ARMH3: variants seen among roughly 807,000 people sequenced by gnomAD.
ARMH3 encodes armadillo-like helical domain-containing protein 3.
A neutral mutation model predicts 99.1 loss-of-function variants in ARMH3; 60 were observed. That is an observed-to-expected ratio of 0.61 (90% confidence interval 0.49 to 0.75). ARMH3 has a LOEUF of 0.75. ARMH3 is among the 30% of genes least tolerant of loss of function. ARMH3 has a pLI of 0.00. For synonymous variants in ARMH3, 285 were observed against 292.8 expected (o/e 0.97, Z 0.27); for missense variants, 679 against 843.1 (o/e 0.81, Z 2.41).
chr10:102,036,842 C>T (rs1486065064), intron 2 of ARMH3, among the ~76,000 whole-genome samples: 2 of 149,674 alleles, frequency 1.3e-5, no homozygotes, highest in South Asian at 2.1e-4. Flanking sequence ...TCCCCCTCTC[C>T]GAGAAACACC....
chr10:101,944,063 C>CA (rs1221438055), intron 22 of ARMH3, among the ~76,000 whole-genome samples: 1,140 of 66,540 alleles, frequency 0.017, 17 homozygotes, highest in African/African-American at 0.055. Context: ...GACTCCATCT[C>CA]AAAAAAAAAA....
intron 2 of ARMH3, among the ~76,000 whole-genome samples, chr10:102,037,307 A>C (rs1474321976): frequency 1.3e-5 from 2 of 150,526 alleles, no homozygotes; most frequent in Non-Finnish European, 3.0e-5. Flanking sequence ...TTGGACTCAC[A>C]TAAATAGCTG....
chr10:101,957,826 G>A (rs1845110111), intron 20 of ARMH3, 94 bp from the exon 21 acceptor site: 15 of 1,459,648 alleles, frequency 1.0e-5, no homozygotes, highest in Admixed American at 2.7e-5. Context: ...AAATCCAGAA[G>A]GTTAGAGTGA....
chr10:101,889,898 T>C (rs2067646320), intron 23 of ARMH3, among the ~76,000 whole-genome samples: 1 of 152,158 alleles, frequency 6.6e-6, no homozygotes, highest in African/African-American at 2.4e-5. Flanking sequence ...CAACAACATA[T>C]AGGCTAAATA....
chr10:102,038,889 G>A (rs1006538960), intron 2 of ARMH3, among the ~76,000 whole-genome samples: 5 of 151,832 alleles, frequency 3.3e-5, no homozygotes, highest in Admixed American at 6.6e-5. Flanking sequence ...ACATGCACAC[G>A]CCACCACACC....
At position 101,963,376 on chromosome 10, in the gene ARMH3, T is replaced by G. The variant is rs185358950; in HGVS notation, c.1496-5644A>C. ...TCCATCTCCTGACCTCGTGATCCGGTCGCCTTGGACTCGGCCTCCCAAAGT... is the reference window on the plus strand; with the variant it reads ...TCCATCTCCTGACCTCGTGATCCGGGCGCCTTGGACTCGGCCTCCCAAAGT... On this transcript the variant is annotated intron_variant, in intron 20 of 25. Coordinates refer to ENST00000370033, the MANE Select transcript of ARMH3 (RefSeq NM_024541.3). 1.6e-4 allele frequency among the ~76,000 whole-genome samples: 25 copies of G among 152,040 alleles called. No homozygotes were observed. In the South Asian group the frequency reaches 4.8e-3, roughly 29 times the overall value.
chr10:102,009,887 T>C (rs941810245), intron 12 of ARMH3, 90 bp downstream of exon 12: 2 of 1,221,640 alleles, frequency 1.6e-6, no homozygotes, highest in Non-Finnish European at 2.3e-6. Flanking sequence ...CTGTAAAAGA[T>C]TAGCAAGAGG....
intron 2 of ARMH3, among the ~76,000 whole-genome samples, chr10:102,035,262 G>C (rs1162481836): frequency 6.6e-6 from 1 of 152,144 alleles, no homozygotes; most frequent in Non-Finnish European, 1.5e-5. Flanking sequence ...CTACTCAGGA[G>C]GCTGAGGCAG....
At chr10:101,953,542 CTTTTT>C (rs35546669) in intron 22 of ARMH3, among the ~76,000 whole-genome samples, 2 of 117,914 alleles carry the variant, frequency 1.7e-5, no homozygotes, top group African/African-American at 3.2e-5. Context: ...CGTGCCCAGC[CTTTTT>C]TTTTTTTTTT....
In ARMH3 at chr10:101,847,469, C is replaced by G. The variant is rs1361186415; in HGVS notation, c.*59G>C. On this transcript the variant is annotated 3_prime_UTR_variant, in exon 26 of 26. Transcript: ENST00000370033. ...GCAGCCCCCTCTCCCCTCGCTCCCCCTCCAGCCCATGATCCTCATGGGTAA... is the reference window on the plus strand; with the variant it reads ...GCAGCCCCCTCTCCCCTCGCTCCCCGTCCAGCCCATGATCCTCATGGGTAA... The G allele has an allele frequency of 1.1e-5, 17 of 1,557,782 alleles. No homozygotes were observed. The highest frequency in any genetic ancestry group is 1.4e-5 in the Non-Finnish European group (16 of 1,129,606).
chr10:102,002,180 T>A, intron 14 of ARMH3, 108 bp from the exon 15 acceptor site: 1 of 1,511,144 alleles, frequency 6.6e-7, no homozygotes, highest in Non-Finnish European at 8.9e-7. Context: ...AATAAGCTTT[T>A]TCCACAACAG....
intron 10 of ARMH3, 39 bp downstream of exon 10, chr10:102,012,793 GA>G: frequency 6.4e-7 from 1 of 1,570,938 alleles, no homozygotes. Context: ...CAATTCAAAT[GA>G]AAATCAGACC....
At chr10:101,996,357 C>T (rs1420243639) in intron 15 of ARMH3, among the ~76,000 whole-genome samples, 1 of 152,112 alleles carries the variant, frequency 6.6e-6, no homozygotes, top group African/African-American at 2.4e-5. Flanking sequence ...GCTTCTTTCT[C>T]AAAAATGGGA....
intron 4 of ARMH3, 48 bp downstream of exon 4, chr10:102,032,978 T>G (rs1009729844): frequency 5.0e-6 from 8 of 1,600,242 alleles, no homozygotes; most frequent in Non-Finnish European, 6.8e-6. Context: ...TGTGTTACAA[T>G]TCCTTTCTCC....
intron 24 of ARMH3, among the ~76,000 whole-genome samples, chr10:101,889,190 A>G (rs775610419): frequency 6.6e-6 from 1 of 152,258 alleles, no homozygotes; most frequent in Admixed American, 6.5e-5. Flanking sequence ...TTTCACCTAC[A>G]TATCTTCTAT....
rs779582204 is a variant in ARMH3, at chr10:101,975,251, G to A, written c.1456C>T (p.Arg486Trp). 12 of 1,612,216 alleles carry A rather than the reference G, an allele frequency of 7.4e-6. No homozygotes were observed. Among genetic ancestry groups the A allele is most frequent in the Non-Finnish European group, 1.0e-5 (12 of 1,178,968 alleles). The change falls in exon 20 of 26, where the codon CGG becomes TGG. Residue 486 changes from arginine to tryptophan, a missense_variant. Around this residue, in one of 3 missense-constraint regions of ARMH3, gnomAD observed 389 missense variants for 456.5 expected, o/e 0.85. Transcript: ENST00000370033. The stretch of plus-strand genomic sequence containing the variant: ...CGCCAGGTGTAATGCAGGCGTACCC[G>A]ACACTTCTTCTGGTAGCAGAGCAGT... ...HKLLCYQKKC[R>W]VRLHYTWREL...
rs1216510013 is a variant in ARMH3 at position 101,939,923 on chromosome 10, G to A, written c.1721C>T (p.Thr574Ile). Residue 574 changes from threonine to isoleucine, a missense_variant, in exon 23 of 26, where the codon ACC becomes ATC. Thr to Ile is a moderately conservative substitution (Grantham distance 89, BLOSUM62 -1). Coordinates refer to ENST00000370033, the MANE Select transcript of ARMH3 (RefSeq NM_024541.3). Reference sequence around the variant, plus strand: ...TGCTTCCTTCCACTGGCCTGCATTGGTAGAAAGCCTCAGGACTGCAAAGAA... The same window carrying A: ...TGCTTCCTTCCACTGGCCTGCATTGATAGAAAGCCTCAGGACTGCAAAGAA... ...NLYSMVLRLS[T>I]NAGQWKEAAS... 6.2e-7 allele frequency: 1 copy of A among 1,613,662 alleles called. No homozygotes were observed. The highest frequency in any genetic ancestry group is 1.7e-5 in the Admixed American group (1 of 60,014).
intron 20 of ARMH3, among the ~76,000 whole-genome samples, chr10:101,969,664 T>C (rs1845685114): frequency 6.6e-6 from 1 of 152,214 alleles, no homozygotes; most frequent in South Asian, 2.1e-4. Flanking sequence ...ACAATTTCTT[T>C]TTCACAAAGC....
At chr10:101,867,477 T>C (rs1011805745) in intron 24 of ARMH3, among the ~76,000 whole-genome samples, 12 of 152,028 alleles carry the variant, frequency 7.9e-5, no homozygotes, top group African/African-American at 1.9e-4. Context: ...GAAAACCCAA[T>C]TGGAGAGAAT....
Sources: allele counts gnomAD v4.1 joint callset (sites outside exome capture counted in the v4.1 genomes callset), GRCh38; gene constraint gnomAD v4.1.1; regional missense constraint gnomAD v4.1.1; transcripts MANE v1.5; gene names NCBI Gene and HGNC (gene_info 2026-07-23, HGNC 2026-07-21).